The following ADAMTS20 variants were observed in gnomAD, a reference collection of about 807,000 sequenced individuals.
ADAMTS20 encodes the protein ADAM metallopeptidase with thrombospondin type 1 motif 20, also known as A disintegrin and metalloproteinase with thrombospondin motifs 20.
In ADAMTS20, 225 loss-of-function variants were observed where a neutral mutation model predicts 260.1. The observed-to-expected ratio is 0.87, with a 90% CI of 0.78 to 0.97. The LOEUF is 0.97. Ranked by LOEUF, ADAMTS20 falls within the 50% of genes least tolerant of loss-of-function variation. ADAMTS20 has a pLI of 0.00. For missense variants in ADAMTS20, 2,400 were observed against 2,337.7 expected (o/e 1.03, Z -0.55); for synonymous variants, 802 against 769.5 (o/e 1.04, Z -0.70).
At chr12:43,366,133 T>C (rs1347571916) in intron 37 of ADAMTS20, among the ~76,000 whole-genome samples, 1 of 151,536 alleles carries the variant, frequency 6.6e-6, no homozygotes, top group Non-Finnish European at 1.5e-5. Flanking sequence ...TATAAATAAG[T>C]TGAAAGTAAA....
chr12:43,354,014 TAA>T lies in ADAMTS20; in HGVS notation c.*193_*194del. On this transcript the variant is annotated 3_prime_UTR_variant, in exon 39 of 39. Coordinates refer to ENST00000389420, the MANE Select transcript of ADAMTS20 (RefSeq NM_025003.5). ...TATCCTGATTAGATATAAAATAAATTAAGATAGCTCTTAAATTTCTTTTATAG... is the reference window on the plus strand; with the variant it reads ...TATCCTGATTAGATATAAAATAAATTGATAGCTCTTAAATTTCTTTTATAG... 2.5e-6 allele frequency: 1 copy of T among 401,160 alleles called. No homozygotes were observed. Among genetic ancestry groups the T allele is most frequent in the Non-Finnish European group, 4.5e-6 (1 of 224,514 alleles). The allele number at this position is 401,160 out of a possible 1,614,324, so 24.9% of individuals were successfully genotyped here. A position where few individuals can be genotyped will look rare whatever the true frequency, so the allele number is the denominator to read the frequency against.
Position 43,464,734 on chromosome 12 carries a change from T to C in ADAMTS20, c.1368-2A>G, listed in dbSNP as rs372410821. The C allele has an allele frequency of 2.5e-6, 4 of 1,606,272 alleles. No homozygotes were observed. The African/African-American group carries it at 5.4e-5, about 22-fold the overall frequency. On this transcript the variant is annotated splice_acceptor_variant, in intron 9 of 38. Coordinates refer to ENST00000389420, the MANE Select transcript of ADAMTS20 (RefSeq NM_025003.5). LOFTEE classifies it high-confidence loss of function. ...AGAAGACATTCCCCGTAACCAGTAC[T>C]GTAACAGTGACAGAAAATAAAATAT...
At position 43,377,361 on chromosome 12, in the gene ADAMTS20, C is replaced by G; in HGVS notation, c.4995+4G>C. The G allele has an allele frequency of 6.2e-7, 1 of 1,606,080 alleles. No individual in the cohort carries two copies. The highest frequency in any genetic ancestry group is 8.5e-7 in the Non-Finnish European group (1 of 1,175,290). On this transcript the variant is annotated splice_donor_region_variant and intron_variant, in intron 32 of 38. Transcript: ENST00000389420. ...AGTTTTAAAATTCATAATTGTACAC[C>G]GACCTTGCTCCATTTTCCAACTTTC...
chr12:43,501,477 G>GCACACACACACACACACACACA lies in ADAMTS20; in HGVS notation c.867+674_867+675insTGTGTGTGTGTGTGTGTGTGTG, dbSNP rs1299065787. Among the ~76,000 whole-genome samples the GCACACACACACACACACACACA allele has an allele frequency of 5.9e-4, 37 of 62,186 alleles. No individual in the cohort carries two copies. In the Admixed American group the frequency reaches 6.1e-3, roughly 10 times the overall value. The allele number at this position is 62,186 out of a possible 152,430, so 40.8% of individuals were successfully genotyped here. A position where few individuals can be genotyped will look rare whatever the true frequency, so the allele number is the denominator to read the frequency against. On this transcript the variant is annotated intron_variant, in intron 4 of 38. Transcript: ENST00000389420. ...GAGGGGGATACGCGCGCGCGCGCGC[G>GCACACACACACACACACACACA]CGCGCACACACACACACACACACAC...
intron 11 of ADAMTS20, among the ~76,000 whole-genome samples, chr12:43,462,390 G>C (rs941891196): frequency 6.6e-6 from 1 of 152,178 alleles, no homozygotes; most frequent in African/African-American, 2.4e-5. Context: ...CTTTAGATAA[G>C]TTCATGACTG....
intron 7 of ADAMTS20, among the ~76,000 whole-genome samples, chr12:43,486,236 A>G (rs1392751079): frequency 6.6e-6 from 1 of 152,186 alleles, no homozygotes; most frequent in African/African-American, 2.4e-5. Context: ...AGACACATAG[A>G]TCAATGGAAC....
chr12:43,429,608 T>G lies in ADAMTS20; in HGVS notation c.3489+9A>C, dbSNP rs774387070. 3.2e-6 allele frequency: 5 copies of G among 1,567,654 alleles called. No individual in the cohort carries two copies. The highest frequency in any genetic ancestry group is 4.3e-6 in the Non-Finnish European group (5 of 1,153,810). ...AGAAACACTGTATCTATTAAAGAAA[T>G]TCACTTACTGGGGTCCAAGAACCAT... On this transcript the variant is annotated intron_variant, in intron 24 of 38. Transcript: ENST00000389420.
intron 3 of ADAMTS20, among the ~76,000 whole-genome samples, chr12:43,508,436 A>C (rs1375476524): frequency 2.0e-5 from 3 of 152,200 alleles, no homozygotes; most frequent in Non-Finnish European, 4.4e-5. Flanking sequence ...AAAACTAAAC[A>C]GATCATTTAC....
At chr12:43,354,492 G>A (rs981131456) in intron 38 of ADAMTS20, among the ~76,000 whole-genome samples, 194 bp from the exon 39 acceptor site, 33 of 152,002 alleles carry the variant, frequency 2.2e-4, no homozygotes, top group African/African-American at 7.0e-4. Context: ...GAAAGTTAAA[G>A]GATATTAGAT....
chr12:43,477,189 G>T lies in ADAMTS20; in HGVS notation c.1118-8484C>A, dbSNP rs1942371439. Among the ~76,000 whole-genome samples, 3 of 152,066 alleles carry T rather than the reference G, an allele frequency of 2.0e-5. No homozygotes were observed. In the South Asian group the frequency reaches 6.2e-4, roughly 32 times the overall value. On this transcript the variant is annotated intron_variant, in intron 7 of 38. Coordinates refer to ENST00000389420, the MANE Select transcript of ADAMTS20 (RefSeq NM_025003.5). ...TTTATGTACACAGGAGTGGCAGAAA[G>T]CTATAAAACCATAATTGGGGACTAG...
In ADAMTS20 at chr12:43,493,249, G is replaced by C. The variant is rs542752462; in HGVS notation, c.872C>G (p.Ala291Gly). The change falls in exon 5 of 39, where the codon GCA (alanine) becomes GGA (glycine). Residue 291 changes from alanine to glycine, a missense_variant. Physicochemically the swap from Ala to Gly is moderately conservative, Grantham distance 60. Coordinates refer to ENST00000389420, the MANE Select transcript of ADAMTS20 (RefSeq NM_025003.5). ...AATACTTGGATCTTTGTAGATTGTTGCAACCTGCATGTAAAAAAAATGTAG... is the reference window on the plus strand; with the variant it reads ...AATACTTGGATCTTTGTAGATTGTTCCAACCTGCATGTAAAAAAAATGTAG... ...NYILTLMSIVATIYKDPSIGN... is the reference protein window; with the variant it reads ...NYILTLMSIVGTIYKDPSIGN... 9.4e-5 allele frequency: 145 copies of C among 1,544,948 alleles called. 1 individual carries two copies. In the South Asian group the frequency reaches 1.1e-3, roughly 12 times the overall value.
At chr12:43,425,475 T>G (rs1459322340) in intron 28 of ADAMTS20, 39 bp downstream of exon 28, 1 of 1,415,512 alleles carries the variant, frequency 7.1e-7, no homozygotes, top group African/African-American at 1.5e-5. Context: ...ACTCAAACTT[T>G]AAAGTATGAC....
intron 14 of ADAMTS20, among the ~76,000 whole-genome samples, chr12:43,452,015 T>C (rs781687206): frequency 5.3e-5 from 8 of 152,222 alleles, no homozygotes; most frequent in Non-Finnish European, 8.8e-5. Flanking sequence ...CTCATTCCTA[T>C]TTTGATTATG....
chr12:43,440,444 G>A (rs1369179169), intron 16 of ADAMTS20, among the ~76,000 whole-genome samples: 1 of 152,026 alleles, frequency 6.6e-6, no homozygotes, highest in Non-Finnish European at 1.5e-5. Flanking sequence ...AACCGCACCT[G>A]GCCTTGTTTA....
At chr12:43,550,432 A>C (rs1943496513) in intron 2 of ADAMTS20, among the ~76,000 whole-genome samples, 1 of 152,122 alleles carries the variant, frequency 6.6e-6, no homozygotes, top group African/African-American at 2.4e-5. Flanking sequence ...AACAAAATGA[A>C]CTTTTCCTAT....
chr12:43,358,242 C>T (rs1939785364), intron 37 of ADAMTS20, among the ~76,000 whole-genome samples: 1 of 152,154 alleles, frequency 6.6e-6, no homozygotes, highest in African/African-American at 2.4e-5. Flanking sequence ...TGACTGACTA[C>T]TGAGAGCCTT....
intron 36 of ADAMTS20, among the ~76,000 whole-genome samples, chr12:43,372,002 G>T (rs1298831925): frequency 6.6e-6 from 1 of 152,194 alleles, no homozygotes; most frequent in Non-Finnish European, 1.5e-5. Flanking sequence ...TTGACAGCAG[G>T]TTTGGCAGGA....
intron 3 of ADAMTS20, among the ~76,000 whole-genome samples, chr12:43,517,539 A>G (rs1399602170): frequency 1.3e-5 from 2 of 152,080 alleles, no homozygotes; most frequent in African/African-American, 4.8e-5. Flanking sequence ...TATTTGGTAA[A>G]TTAAAGAATA....
At chr12:43,459,477 ACG>A (rs1942023046) in intron 11 of ADAMTS20, among the ~76,000 whole-genome samples, 1 of 152,162 alleles carries the variant, frequency 6.6e-6, no homozygotes, top group African/African-American at 2.4e-5. Flanking sequence ...GTCAGAGAAA[ACG>A]AGGCTTGCCG....
Sources: allele counts gnomAD v4.1 joint callset (sites outside exome capture counted in the v4.1 genomes callset), GRCh38; gene constraint gnomAD v4.1.1; transcripts MANE v1.5; gene names NCBI Gene and HGNC (gene_info 2026-07-23, HGNC 2026-07-21).